The following SENP7 variants were observed in gnomAD, a reference collection of about 807,000 sequenced individuals.
SENP7 encodes sentrin-specific protease 7.
Under a neutral mutation model 141.2 loss-of-function variants are expected in SENP7, and 64 were observed. The ratio of observed to expected loss-of-function variants is 0.45; its 90% CI spans 0.37 to 0.56. The LOEUF (loss-of-function observed/expected upper bound fraction) is 0.56. Among genes scored for constraint, SENP7 ranks in the 20% least tolerant of loss-of-function variants. SENP7 has a pLI of 0.00. For synonymous variants in SENP7, 382 were observed against 426.4 expected, an observed-to-expected ratio of 0.90 and a Z score of 1.28; for missense variants, 1,025 against 1,212.2, an observed-to-expected ratio of 0.85 and a Z score of 2.29.
At chr3:101,387,433 C>T (rs1456744649) in intron 6 of SENP7, among the ~76,000 whole-genome samples, 1 of 152,166 alleles carries the variant, frequency 6.6e-6, no homozygotes, top group Non-Finnish European at 1.5e-5. Context: ...ATTAATCCAA[C>T]CCACCCATTA....
intron 2 of SENP7, among the ~76,000 whole-genome samples, chr3:101,496,662 T>C (rs1040716387): frequency 6.7e-6 from 1 of 148,686 alleles, no homozygotes; most frequent in Non-Finnish European, 1.5e-5. Flanking sequence ...AACTGCAACC[T>C]CCGCCCCCGA....
chr3:101,363,530 A>G (rs890276940), intron 10 of SENP7, among the ~76,000 whole-genome samples: 34 of 152,354 alleles, frequency 2.2e-4, no homozygotes, highest in Admixed American at 2.1e-3. Flanking sequence ...TAATATGATC[A>G]TTTCATACTA....
intron 3 of SENP7, among the ~76,000 whole-genome samples, chr3:101,475,791 T>C (rs1399005612): frequency 6.6e-6 from 1 of 151,842 alleles, no homozygotes; most frequent in Non-Finnish European, 1.5e-5. Flanking sequence ...AGAGATAAAT[T>C]CAGCAAGAGA....
chr3:101,352,168 C>G (rs1186878426), intron 11 of SENP7, among the ~76,000 whole-genome samples: 1 of 151,984 alleles, frequency 6.6e-6, no homozygotes, highest in Non-Finnish European at 1.5e-5. Flanking sequence ...TTGTGTCCAA[C>G]CTGATGTGAA....
chr3:101,429,698 T>C (rs535018843), intron 4 of SENP7, among the ~76,000 whole-genome samples: 63 of 152,328 alleles, frequency 4.1e-4, no homozygotes, highest in East Asian at 7.7e-4. Flanking sequence ...TCTTGCCTGA[T>C]TGCCCTGGCC....
At chr3:101,476,038 C>T (rs1380900884) in intron 3 of SENP7, among the ~76,000 whole-genome samples, 1 of 152,168 alleles carries the variant, frequency 6.6e-6, no homozygotes, top group East Asian at 1.9e-4. Context: ...ACAGATTACA[C>T]ACTCTTCTCA....
intron 4 of SENP7, among the ~76,000 whole-genome samples, chr3:101,423,837 G>A (rs1052560378): frequency 3.9e-5 from 6 of 152,142 alleles, no homozygotes; most frequent in Non-Finnish European, 5.9e-5. Context: ...CCACTCTCCC[G>A]AAGGGTCTCT....
chr3:101,463,416 T>TATATATATACATATATATATATATATAC (rs1175438899), intron 3 of SENP7, among the ~76,000 whole-genome samples: 1 of 116,498 alleles, frequency 8.6e-6, no homozygotes, highest in Non-Finnish European at 1.7e-5. Flanking sequence ...TATATATATA[T>TATATATATACATATATATATATATATAC]ACACACACAT....
At chr3:101,405,171 A>T (rs1327233420) in intron 5 of SENP7, among the ~76,000 whole-genome samples, 1 of 152,204 alleles carries the variant, frequency 6.6e-6, no homozygotes, top group Non-Finnish European at 1.5e-5. Flanking sequence ...TGAAGGAAGC[A>T]GAGTACACCA....
At chr3:101,409,323 A>C (rs2061390369) in intron 5 of SENP7, among the ~76,000 whole-genome samples, 1 of 152,266 alleles carries the variant, frequency 6.6e-6, no homozygotes, top group African/African-American at 2.4e-5. Flanking sequence ...TCCCATACTC[A>C]TGGATGGGTA....
intron 5 of SENP7, among the ~76,000 whole-genome samples, chr3:101,416,915 A>G (rs1331435198): frequency 2.0e-5 from 3 of 152,212 alleles, no homozygotes; most frequent in Non-Finnish European, 4.4e-5. Context: ...CCTCCAAAAC[A>G]TTCATTTAAT....
At chr3:101,356,726 GA>G (rs991159463) in intron 11 of SENP7, among the ~76,000 whole-genome samples, 46 of 145,834 alleles carry the variant, frequency 3.2e-4, no homozygotes, top group African/African-American at 7.5e-4. Context: ...AGTAATTTTT[GA>G]AAAAAAAAAG....
intron 17 of SENP7, among the ~76,000 whole-genome samples, chr3:101,335,130 T>C (rs1220660677): frequency 6.6e-6 from 1 of 152,144 alleles, no homozygotes; most frequent in African/African-American, 2.4e-5. Context: ...ATTTTTTAAA[T>C]GCCAGGATAA....
At chr3:101,463,374 T>A (rs1291637479) in intron 3 of SENP7, among the ~76,000 whole-genome samples, 8 of 85,986 alleles carry the variant, frequency 9.3e-5, no homozygotes, top group African/African-American at 1.6e-4. Flanking sequence ...AATATATATA[T>A]ATATATATAT....
intron 4 of SENP7, among the ~76,000 whole-genome samples, chr3:101,445,847 C>T (rs1201272899): frequency 6.6e-6 from 1 of 152,142 alleles, no homozygotes; most frequent in Non-Finnish European, 1.5e-5. Context: ...AATAAAGATT[C>T]TGAATACATA....
At chr3:101,377,689 T>TA (rs1355370871) in intron 6 of SENP7, among the ~76,000 whole-genome samples, 2 of 152,180 alleles carry the variant, frequency 1.3e-5, no homozygotes, top group Non-Finnish European at 2.9e-5. Context: ...TTTTAGAGCC[T>TA]AATCAAGCAG....
intron 3 of SENP7, among the ~76,000 whole-genome samples, chr3:101,484,202 T>C (rs2064627560): frequency 6.6e-6 from 1 of 152,182 alleles, no homozygotes; most frequent in South Asian, 2.1e-4. Flanking sequence ...CTGGGCTTCA[T>C]TAAAATTAAA....
intron 22 of SENP7, 115 bp from the exon 23 acceptor site, chr3:101,327,931 T>C (rs2058946190): frequency 1.3e-6 from 1 of 794,516 alleles, no homozygotes; most frequent in Non-Finnish European, 1.9e-6. Flanking sequence ...AAGCCAAATT[T>C]CCACACTGAA....
At chr3:101,426,746 T>G (rs1210671601) in intron 4 of SENP7, among the ~76,000 whole-genome samples, 3 of 152,144 alleles carry the variant, frequency 2.0e-5, no homozygotes, top group Admixed American at 2.0e-4. Flanking sequence ...CCTCCCAAAG[T>G]GCTGGGATTA....
Sources: gnomAD v4.1 joint callset for allele counts (sites outside exome capture counted in the v4.1 genomes callset) on GRCh38, gnomAD v4.1.1 for gene constraint, MANE v1.5 for transcripts, NCBI Gene and HGNC (gene_info 2026-07-23, HGNC 2026-07-21) for gene names.